CCDC171: variants seen among roughly 807,000 people sequenced by gnomAD.
CCDC171 encodes the protein coiled-coil domain-containing protein 171.
A neutral mutation model predicts 168.2 loss-of-function variants in CCDC171; 177 were observed. That is an observed-to-expected ratio of 1.05 (90% confidence interval 0.93 to 1.19). The LOEUF is 1.19. Ranked by LOEUF, CCDC171 falls within the 50% of genes most tolerant of loss-of-function variation. The pLI, the probability that CCDC171 is intolerant of heterozygous loss-of-function variation, is 0.00. For missense variants in CCDC171, 1,991 were observed against 1,539.0 expected, an observed-to-expected ratio of 1.29 and a Z score of -4.91; for synonymous variants, 687 against 540.8, an observed-to-expected ratio of 1.27 and a Z score of -3.75.
chr9:15,819,048 TAAAGA>T (rs1271350855), intron 21 of CCDC171, among the ~76,000 whole-genome samples: 2 of 116,212 alleles, frequency 1.7e-5, no homozygotes, highest in African/African-American at 6.5e-5. Context: ...TCAACATTCT[TAAAGA>T]AAAGAATTTT....
intron 8 of CCDC171, among the ~76,000 whole-genome samples, chr9:16,036,859 C>T (rs1010413934): frequency 6.6e-6 from 1 of 152,078 alleles, no homozygotes; most frequent in Admixed American, 6.5e-5. Context: ...AGAATGAAAT[C>T]CTGTCATTCA....
chr9:15,984,010 A>G (rs1172197717), intron 3 of CCDC171, among the ~76,000 whole-genome samples: 2 of 104,216 alleles, frequency 1.9e-5, no homozygotes, highest in Non-Finnish European at 4.1e-5. Context: ...TCTGCAGAGT[A>G]GAGACCAGGA....
At position 15,662,235 on chromosome 9, in the gene CCDC171, C is replaced by A. The variant is rs1336516973; in HGVS notation, c.916-3928C>A. ...GAAGTTGCAGTGAGCCGAGATCGTGCCACTGCACTCCAGCCTGGGTGACAG... is the reference window on the plus strand; with the variant it reads ...GAAGTTGCAGTGAGCCGAGATCGTGACACTGCACTCCAGCCTGGGTGACAG... On this transcript the variant is annotated intron_variant, in intron 8 of 25. Coordinates refer to ENST00000380701, the MANE Select transcript of CCDC171 (RefSeq NM_173550.4). 2.0e-5 allele frequency among the ~76,000 whole-genome samples: 3 copies of A among 152,186 alleles called. 1 individual carries two copies. Among genetic ancestry groups the A allele is most frequent in the Non-Finnish European group, 4.4e-5 (3 of 68,030 alleles).
At chr9:15,771,868 C>G (rs2057030948) in intron 18 of CCDC171, among the ~76,000 whole-genome samples, 1 of 152,278 alleles carries the variant, frequency 6.6e-6, no homozygotes, top group East Asian at 1.9e-4. Flanking sequence ...GAGGCTGTCT[C>G]TGTTGCCCAG....
intron 6 of CCDC171, among the ~76,000 whole-genome samples, chr9:15,606,392 T>G (rs779827962): frequency 6.6e-6 from 1 of 152,222 alleles, no homozygotes; most frequent in Non-Finnish European, 1.5e-5. Flanking sequence ...ATTTTCAAGC[T>G]TATGGATTCA....
intron 25 of CCDC171, among the ~76,000 whole-genome samples, chr9:15,940,929 G>C (rs1028896955): frequency 6.6e-6 from 1 of 151,946 alleles, no homozygotes; most frequent in South Asian, 2.1e-4. Context: ...ATATGATCTT[G>C]GGTGATTAAC....
intron 7 of CCDC171, among the ~76,000 whole-genome samples, chr9:15,645,725 G>A (rs1050430709): frequency 6.6e-5 from 10 of 152,046 alleles, no homozygotes; most frequent in South Asian, 2.1e-4. Context: ...CGAACGGAAC[G>A]TCCAAGAAAT....
intron 1 of CCDC171, among the ~76,000 whole-genome samples, chr9:16,059,669 C>T (rs1330280519): frequency 2.0e-5 from 3 of 150,262 alleles, no homozygotes; most frequent in South Asian, 4.2e-4. Flanking sequence ...CGCCCGCCAC[C>T]GCGCCCGGCT....
chr9:15,654,304 A>G (rs1454811911), intron 7 of CCDC171, among the ~76,000 whole-genome samples: 2 of 152,196 alleles, frequency 1.3e-5, no homozygotes, highest in Non-Finnish European at 2.9e-5. Flanking sequence ...ATTGTAAAAG[A>G]ATATTTTGTG....
intron 9 of CCDC171, among the ~76,000 whole-genome samples, chr9:15,677,926 A>ATATATATATATG (rs1554754419): frequency 1.1e-4 from 3 of 28,236 alleles, no homozygotes; most frequent in Admixed American, 6.0e-4. Flanking sequence ...ATATATATAT[A>ATATATATATATG]AGAGATGTGG....
At chr9:15,791,613 T>C (rs7859718) in intron 21 of CCDC171, among the ~76,000 whole-genome samples, 69,110 of 151,864 alleles carry the variant, frequency 0.46, 16,097 homozygotes, top group East Asian at 0.65. Flanking sequence ...ATTGCCCTGG[T>C]CAGAACTTCC....
At chr9:15,580,230 A>G (rs1587114084) in intron 4 of CCDC171, among the ~76,000 whole-genome samples, 1 of 152,234 alleles carries the variant, frequency 6.6e-6, no homozygotes, top group East Asian at 1.9e-4. Context: ...AAGATCAAAG[A>G]CTTAAATCTA....
chr9:16,015,482 C>T (rs897145094), intron 3 of CCDC171, among the ~76,000 whole-genome samples: 6 of 152,088 alleles, frequency 3.9e-5, no homozygotes, highest in South Asian at 4.1e-4. Flanking sequence ...TCTTGTCATG[C>T]GTCCAGTATC....
intron 24 of CCDC171, among the ~76,000 whole-genome samples, chr9:15,883,654 A>G (rs1027771925): frequency 3.3e-5 from 5 of 152,196 alleles, no homozygotes; most frequent in Non-Finnish European, 5.9e-5. Context: ...GCATCCGTGT[A>G]AAGCTTCTGC....
intron 7 of CCDC171, among the ~76,000 whole-genome samples, chr9:15,632,232 T>C (rs1041497263): frequency 1.7e-4 from 25 of 146,416 alleles, no homozygotes; most frequent in Middle Eastern, 3.5e-3. Context: ...AGTCAAATTG[T>C]CCCTGTTTGC....
In CCDC171 at chr9:15,777,887, C is replaced by T. The variant is rs1411851147; in HGVS notation, c.2898+61C>T. The T allele has an allele frequency of 8.2e-6, 9 of 1,102,456 alleles. No homozygotes were observed. In the East Asian group the frequency reaches 2.0e-4, roughly 25 times the overall value. 68.3% of individuals were successfully genotyped at this position (1,102,456 alleles called of 1,614,324 possible). A position where few individuals can be genotyped will look rare whatever the true frequency, so the allele number is the denominator to read the frequency against. On this transcript the variant is annotated intron_variant, in intron 19 of 25. Transcript: ENST00000380701. ...ACTTGTAGGTTTAATTTTGAATTAGCCTAATTTGTAGTTTAAATTATTAGT... is the reference window on the plus strand; with the variant it reads ...ACTTGTAGGTTTAATTTTGAATTAGTCTAATTTGTAGTTTAAATTATTAGT...
chr9:15,770,426 T>C (rs995178844), intron 18 of CCDC171, among the ~76,000 whole-genome samples: 17 of 152,180 alleles, frequency 1.1e-4, no homozygotes, highest in Non-Finnish European at 2.5e-4. Context: ...TCTCTTGATT[T>C]ATGGATTTAA....
chr9:15,845,938 A>T (rs964471408), intron 21 of CCDC171, among the ~76,000 whole-genome samples: 2 of 152,100 alleles, frequency 1.3e-5, no homozygotes, highest in African/African-American at 4.8e-5. Flanking sequence ...TGCATCTTGA[A>T]ATTTTTGTGT....
chr9:15,849,722 A>G (rs1358544538), intron 23 of CCDC171, among the ~76,000 whole-genome samples: 1 of 151,770 alleles, frequency 6.6e-6, no homozygotes, highest in South Asian at 2.1e-4. Flanking sequence ...AGATACATGG[A>G]ATTTATGAAT....
Sources: allele counts gnomAD v4.1 joint callset (sites outside exome capture counted in the v4.1 genomes callset), GRCh38; gene constraint gnomAD v4.1.1; transcripts MANE v1.5; gene names NCBI Gene and HGNC (gene_info 2026-07-23, HGNC 2026-07-21).